The following RSRC1 variants were observed in gnomAD, a reference collection of about 807,000 sequenced individuals.
RSRC1 encodes arginine and serine rich coiled-coil 1.
RSRC1 carries 39 observed loss-of-function variants against 49.1 expected under a neutral mutation model. That is an observed-to-expected ratio of 0.79 (90% CI 0.61 to 1.04). The LOEUF is 1.04. Ranked by LOEUF, RSRC1 falls within the 50% of genes least tolerant of loss-of-function variation. The pLI is 0.00. For synonymous variants in RSRC1, 143 were observed against 130.8 expected, an observed-to-expected ratio of 1.09 and a Z score of -0.63; for missense variants, 388 against 402.4, an observed-to-expected ratio of 0.96 and a Z score of 0.31.
At chr3:158,305,405 A>G (rs1186848121) in intron 5 of RSRC1, among the ~76,000 whole-genome samples, 5 of 152,168 alleles carry the variant, frequency 3.3e-5, no homozygotes, top group Admixed American at 3.3e-4. Flanking sequence ...GCATTAAAGT[A>G]ACTCCCACTT....
chr3:158,228,298 G>T (rs1722635309), intron 4 of RSRC1, among the ~76,000 whole-genome samples: 1 of 151,936 alleles, frequency 6.6e-6, no homozygotes, highest in African/African-American at 2.4e-5. Flanking sequence ...AAGTAATCTG[G>T]TGCTTCAGTG....
At chr3:158,164,193 C>T (rs1227253737) in intron 3 of RSRC1, among the ~76,000 whole-genome samples, 2 of 152,070 alleles carry the variant, frequency 1.3e-5, no homozygotes, top group African/African-American at 2.4e-5. Context: ...ATAGGCTTAT[C>T]TTACATGGAA....
intron 5 of RSRC1, among the ~76,000 whole-genome samples, chr3:158,329,998 T>C (rs756508875): frequency 6.6e-6 from 1 of 152,198 alleles, no homozygotes; most frequent in South Asian, 2.1e-4. Flanking sequence ...GTGCTAGCAA[T>C]GAGCGAGGCT....
chr3:158,515,797 T>C (rs1740488115), intron 7 of RSRC1, among the ~76,000 whole-genome samples: 1 of 152,074 alleles, frequency 6.6e-6, no homozygotes, highest in Non-Finnish European at 1.5e-5. Context: ...TTTGCTCGTT[T>C]CTTTTTATTC....
rs558525328 is a variant in RSRC1, at chr3:158,425,120, A to G, written c.584-35815A>G. 6.0e-3 allele frequency among the ~76,000 whole-genome samples: 908 copies of G among 151,638 alleles called. 3 individuals carry two copies. The highest frequency in any genetic ancestry group is 0.021 in the African/African-American group (854 of 41,336). On this transcript the variant is annotated intron_variant, in intron 6 of 9. Coordinates refer to ENST00000611884, the MANE Select transcript of RSRC1 (RefSeq NM_001271838.2). ...TTTTAGTTATTTCTTGCCTTCTGCT[A>G]GCTTTTGAATGTGTTTGCTCTTGCT... is the stretch of plus-strand genomic sequence containing the variant.
chr3:158,319,619 A>G (rs1728649043), intron 5 of RSRC1, among the ~76,000 whole-genome samples: 1 of 152,076 alleles, frequency 6.6e-6, no homozygotes, highest in African/African-American at 2.4e-5. Flanking sequence ...TGTGGACTAA[A>G]CCATCGCATT....
rs1391036442 is a variant in RSRC1 at position 158,203,154 on chromosome 3, G to A, written c.403G>A (p.Asp135Asn). ...SHRRTRSRSR[D>N]RERRKGRDKE... Reference sequence around the variant, plus strand: ...CAGAAGAACGCGTAGTCGGTCTCGGGATAGAGAACGACGTAAGGGCAGAGA... The same window carrying A: ...CAGAAGAACGCGTAGTCGGTCTCGGAATAGAGAACGACGTAAGGGCAGAGA... Residue 135 changes from aspartate (D) to asparagine (N), a missense_variant, in exon 4 of 10, where the codon GAT (aspartate) becomes AAT (asparagine). By Grantham distance (23) the Asp-to-Asn change is conservative. Transcript: ENST00000611884. 17 of 1,613,634 alleles carry A rather than the reference G, an allele frequency of 1.1e-5. No homozygotes were observed. The highest frequency in any genetic ancestry group is 1.4e-5 in the Non-Finnish European group (17 of 1,179,710).
intron 3 of RSRC1, among the ~76,000 whole-genome samples, chr3:158,182,329 G>T (rs1719667653): frequency 6.6e-6 from 1 of 152,162 alleles, no homozygotes; most frequent in Admixed American, 6.5e-5. Flanking sequence ...AAACATGTAA[G>T]TGACATTTAA....
chr3:158,470,599 T>C (rs1170996551), intron 7 of RSRC1, among the ~76,000 whole-genome samples: 4 of 152,042 alleles, frequency 2.6e-5, no homozygotes, highest in Non-Finnish European at 5.9e-5. Context: ...AATTAAGAAA[T>C]TGAATGGAGA....
At chr3:158,432,155 G>T (rs1040907548) in intron 6 of RSRC1, among the ~76,000 whole-genome samples, 6 of 151,938 alleles carry the variant, frequency 3.9e-5, no homozygotes, top group African/African-American at 1.4e-4. Context: ...GAGAATAGGT[G>T]ATTGCACCTC....
chr3:158,279,675 T>C (rs1726022718), intron 4 of RSRC1, among the ~76,000 whole-genome samples: 1 of 152,256 alleles, frequency 6.6e-6, no homozygotes, highest in Non-Finnish European at 1.5e-5. Flanking sequence ...AAGTAATTCC[T>C]AGAAGAATCT....
Position 158,207,602 on chromosome 3 carries a change from A to G in RSRC1, c.494+4357A>G, listed in dbSNP as rs1180806657. ...CTAAGTAACCTAAGTGCTTCTTCAC[A>G]TGGGAAAACAACCTATGTGCAAAAG... On this transcript the variant is annotated intron_variant, in intron 4 of 9. Coordinates refer to ENST00000611884, the MANE Select transcript of RSRC1 (RefSeq NM_001271838.2). Among the ~76,000 whole-genome samples, 6 of 150,660 alleles carry G rather than the reference A, an allele frequency of 4.0e-5. No homozygotes were observed. In the Admixed American group the frequency reaches 4.0e-4, roughly 10 times the overall value.
intron 3 of RSRC1, among the ~76,000 whole-genome samples, chr3:158,169,262 C>T (rs1214280297): frequency 1.3e-5 from 2 of 152,126 alleles, no homozygotes; most frequent in African/African-American, 4.8e-5. Flanking sequence ...GCTAACCCTT[C>T]CGTTTTTGAG....
Position 158,428,632 on chromosome 3 carries a change from T to G in RSRC1, c.584-32303T>G, listed in dbSNP as rs565879691. On this transcript the variant is annotated intron_variant, in intron 6 of 9. Coordinates refer to ENST00000611884, the MANE Select transcript of RSRC1 (RefSeq NM_001271838.2). ...TAAAGGGTATATAATAAAGGCTGAT[T>G]ATTTTAGTGGACTGCGAATTGGCAC... Among the ~76,000 whole-genome samples, 5 of 152,012 alleles carry G rather than the reference T, an allele frequency of 3.3e-5. No homozygotes were observed. In the South Asian group the frequency reaches 1.0e-3, roughly 31 times the overall value.
chr3:158,297,629 A>T (rs1022449614), intron 4 of RSRC1, among the ~76,000 whole-genome samples: 1 of 151,986 alleles, frequency 6.6e-6, no homozygotes, highest in Non-Finnish European at 1.5e-5. Flanking sequence ...CAAATATAAT[A>T]AGATGTGAGT....
At chr3:158,325,830 T>A (rs553418564) in intron 5 of RSRC1, among the ~76,000 whole-genome samples, 53 of 152,340 alleles carry the variant, frequency 3.5e-4, no homozygotes, top group African/African-American at 1.1e-3. Context: ...AGTATGGCCA[T>A]TTTCACAATA....
chr3:158,125,314 T>G (rs1292206462), intron 3 of RSRC1, among the ~76,000 whole-genome samples: 1 of 152,078 alleles, frequency 6.6e-6, no homozygotes, highest in African/African-American at 2.4e-5. Context: ...AAGTATTAAG[T>G]ATGATATGAG....
At chr3:158,296,822 T>C (rs1578303799) in intron 4 of RSRC1, among the ~76,000 whole-genome samples, 1 of 152,112 alleles carries the variant, frequency 6.6e-6, no homozygotes, top group Admixed American at 6.6e-5. Context: ...GGCTGAAAAT[T>C]AGTACTAATC....
intron 4 of RSRC1, among the ~76,000 whole-genome samples, chr3:158,223,801 C>G (rs936406972): frequency 6.6e-6 from 1 of 151,744 alleles, no homozygotes; most frequent in Non-Finnish European, 1.5e-5. Flanking sequence ...TGTAGCCACA[C>G]TGTTCTTTCC....
Sources: gnomAD v4.1 joint callset for allele counts (sites outside exome capture counted in the v4.1 genomes callset) on GRCh38, gnomAD v4.1.1 for gene constraint, MANE v1.5 for transcripts, NCBI Gene and HGNC (gene_info 2026-07-23, HGNC 2026-07-21) for gene names.